LRRTM4: variants seen among roughly 807,000 people sequenced by gnomAD.
The protein encoded by LRRTM4 is leucine-rich repeat transmembrane neuronal protein 4.
In LRRTM4, 25 loss-of-function variants were observed where a neutral mutation model predicts 47.6. That is an observed-to-expected ratio of 0.53 (90% CI 0.38 to 0.73). The LOEUF (loss-of-function observed/expected upper bound fraction) is 0.73. Ranked by LOEUF, LRRTM4 falls within the 30% of genes least tolerant of loss-of-function variation. The probability of loss-of-function intolerance (pLI) is 0.00; values close to 1 mark genes in which losing one functional copy is unlikely to be tolerated. For missense variants in LRRTM4, 638 were observed against 713.4 expected (o/e 0.89, Z 1.20); for synonymous variants, 311 against 269.5 (o/e 1.15, Z -1.51).
chr2:76,773,995 A>G (rs1241650517), intron 3 of LRRTM4, among the ~76,000 whole-genome samples: 1 of 152,106 alleles, frequency 6.6e-6, no homozygotes, highest in Non-Finnish European at 1.5e-5. Flanking sequence ...ATCTTTGAAC[A>G]ATGTGCGGAT....
intron 3 of LRRTM4, among the ~76,000 whole-genome samples, chr2:77,164,929 C>G (rs531143979): frequency 6.6e-6 from 1 of 152,180 alleles, no homozygotes; most frequent in South Asian, 2.1e-4. Context: ...CAAACACATT[C>G]AAAAGCTAGC....
chr2:77,453,303 T>C (rs1468235416), intron 3 of LRRTM4, among the ~76,000 whole-genome samples: 3 of 149,274 alleles, frequency 2.0e-5, no homozygotes, highest in Admixed American at 1.3e-4. Context: ...TGCCTCAGCC[T>C]CTCAAGCAGC....
At chr2:77,119,325 A>G (rs889972007) in intron 3 of LRRTM4, among the ~76,000 whole-genome samples, 2 of 151,896 alleles carry the variant, frequency 1.3e-5, no homozygotes, top group Non-Finnish European at 2.9e-5. Context: ...TAGTTTAAAA[A>G]GAGTGTTGAT....
Position 76,858,610 on chromosome 2 carries a change from T to C in LRRTM4, c.1552-109694A>G, listed in dbSNP as rs549983916. Among the ~76,000 whole-genome samples the C allele has an allele frequency of 3.9e-5, 6 of 152,320 alleles. No individual in the cohort carries two copies. The South Asian group carries it at 1.2e-3, about 32-fold the overall frequency. ...AGTAGGTAAAATAGCTTGTTCACTG[T>C]AGAGGAGTATTCTTTCAGTGATGAT... On this transcript the variant is annotated intron_variant, in intron 3 of 3. Transcript: ENST00000409884.
At chr2:77,313,338 G>T (rs1208788671) in intron 3 of LRRTM4, among the ~76,000 whole-genome samples, 1 of 148,330 alleles carries the variant, frequency 6.7e-6, no homozygotes, top group Admixed American at 6.7e-5. Context: ...ACCTTTTCCT[G>T]GGACCTGGTG....
At chr2:77,018,259 C>CTTTTTTTTTTTTTTTTTCTTTTTT (rs1678142827) in intron 3 of LRRTM4, among the ~76,000 whole-genome samples, 1 of 75,036 alleles carries the variant, frequency 1.3e-5, no homozygotes, top group Non-Finnish European at 2.4e-5. Flanking sequence ...CTCTTGATTG[C>CTTTTTTTTTTTTTTTTTCTTTTTT]TTTTTTTTTT....
At chr2:77,249,159 G>A (rs1675532226) in intron 3 of LRRTM4, among the ~76,000 whole-genome samples, 1 of 151,954 alleles carries the variant, frequency 6.6e-6, no homozygotes, top group South Asian at 2.1e-4. Context: ...AGACCAGCCT[G>A]GCCAACATGG....
intron 3 of LRRTM4, among the ~76,000 whole-genome samples, chr2:76,779,790 TTGATC>T (rs1211338949): frequency 6.6e-6 from 1 of 152,220 alleles, no homozygotes; most frequent in Non-Finnish European, 1.5e-5. Flanking sequence ...TTGTGTGAAT[TTGATC>T]TTATCATTAT....
chr2:77,219,458 A>G (rs1026204015), intron 3 of LRRTM4, among the ~76,000 whole-genome samples: 3 of 152,162 alleles, frequency 2.0e-5, no homozygotes, highest in Non-Finnish European at 4.4e-5. Context: ...CAGGAAACAT[A>G]CAGGAAAAAA....
chr2:76,981,953 T>C (rs1160983732), intron 3 of LRRTM4, among the ~76,000 whole-genome samples: 1 of 152,080 alleles, frequency 6.6e-6, no homozygotes. Context: ...TTTGGGTCAC[T>C]GAAAATTAAA....
chr2:77,173,679 G>A lies in LRRTM4; in HGVS notation c.1551+344639C>T, dbSNP rs867123944. On this transcript the variant is annotated intron_variant, in intron 3 of 3. Coordinates refer to ENST00000409884, the MANE Select transcript of LRRTM4 (RefSeq NM_001134745.3). ...TTAAAGTCAGCAGTAATAGCTCACT[G>A]CAGCCTAAAACTCCTGGGCTTCAAA... is the stretch of plus-strand genomic sequence containing the variant. Among the ~76,000 whole-genome samples the A allele has an allele frequency of 7.9e-5, 12 of 152,054 alleles. No homozygotes were observed. The South Asian group carries it at 8.3e-4, about 11-fold the overall frequency.
intron 3 of LRRTM4, among the ~76,000 whole-genome samples, chr2:77,134,457 G>C (rs1441278317): frequency 6.6e-6 from 1 of 152,020 alleles, no homozygotes; most frequent in Non-Finnish European, 1.5e-5. Flanking sequence ...AAGAAGTTCA[G>C]GATTCTGGAG....
At chr2:76,962,774 G>A (rs1675903267) in intron 3 of LRRTM4, among the ~76,000 whole-genome samples, 1 of 150,024 alleles carries the variant, frequency 6.7e-6, no homozygotes, top group East Asian at 2.0e-4. Flanking sequence ...AATTTCAAAG[G>A]GTATTACAGC....
intron 3 of LRRTM4, among the ~76,000 whole-genome samples, chr2:76,805,589 A>G (rs1675926182): frequency 6.6e-6 from 1 of 152,210 alleles, no homozygotes; most frequent in South Asian, 2.1e-4. Context: ...AAGGAAGCAT[A>G]TACTTAATTG....
chr2:76,960,718 C>T (rs981347669), intron 3 of LRRTM4, among the ~76,000 whole-genome samples: 2 of 151,488 alleles, frequency 1.3e-5, no homozygotes, highest in African/African-American at 4.8e-5. Flanking sequence ...ACCTTATTGT[C>T]ATTTGTTATG....
rs1676415942 is a variant in LRRTM4 at position 77,278,286 on chromosome 2, A to G, written c.1551+240032T>C. Among the ~76,000 whole-genome samples, 3 of 151,988 alleles carry G rather than the reference A, an allele frequency of 2.0e-5. No homozygotes were observed. The South Asian group carries it at 6.2e-4, about 31-fold the overall frequency. On this transcript the variant is annotated intron_variant, in intron 3 of 3. Coordinates refer to ENST00000409884, the MANE Select transcript of LRRTM4 (RefSeq NM_001134745.3). ...TATAATCACCAGAAAAATTTTCTAA[A>G]TGTGAAACATTTCAAAAATATTAAC...
At chr2:76,938,039 C>T (rs1675016860) in intron 3 of LRRTM4, among the ~76,000 whole-genome samples, 5 of 151,798 alleles carry the variant, frequency 3.3e-5, no homozygotes, top group Admixed American at 3.3e-4. Context: ...TTTTCCTTCC[C>T]CAGTATTTTA....
At chr2:77,127,762 T>G (rs900484079) in intron 3 of LRRTM4, among the ~76,000 whole-genome samples, 3 of 152,202 alleles carry the variant, frequency 2.0e-5, no homozygotes, top group Non-Finnish European at 2.9e-5. Flanking sequence ...AGTTAAGTAC[T>G]CAAAGACAGT....
chr2:77,087,349 T>C (rs1257975816), intron 3 of LRRTM4, among the ~76,000 whole-genome samples: 1 of 152,222 alleles, frequency 6.6e-6, no homozygotes, highest in African/African-American at 2.4e-5. Flanking sequence ...ACAAAAAATC[T>C]CACCCATAAA....
Sources: gnomAD v4.1 joint callset for allele counts (sites outside exome capture counted in the v4.1 genomes callset) on GRCh38, gnomAD v4.1.1 for gene constraint, MANE v1.5 for transcripts, NCBI Gene and HGNC (gene_info 2026-07-23, HGNC 2026-07-21) for gene names.